The following ADARB2 variants were observed in gnomAD, a reference collection of about 807,000 sequenced individuals.
ADARB2 encodes the protein adenosine deaminase RNA specific B2 (inactive).
Under a neutral mutation model 62.2 loss-of-function variants are expected in ADARB2, and 25 were observed. The ratio of observed to expected loss-of-function variants is 0.40; its 90% CI spans 0.29 to 0.56. ADARB2 has a LOEUF of 0.56. ADARB2 is among the 20% of genes least tolerant of loss of function. The probability of loss-of-function intolerance (pLI) is 0.43; values close to 1 mark genes in which losing one functional copy is unlikely to be tolerated. For missense variants in ADARB2, 1,071 were observed against 1,077.4 expected, an observed-to-expected ratio of 0.99 and a Z score of 0.08; for synonymous variants, 572 against 500.8, an observed-to-expected ratio of 1.14 and a Z score of -1.90.
At chr10:1,523,251 C>G (rs552201757) in intron 1 of ADARB2, among the ~76,000 whole-genome samples, 5 of 152,260 alleles carry the variant, frequency 3.3e-5, no homozygotes, top group African/African-American at 1.2e-4. Flanking sequence ...AAATGGTTAT[C>G]TACTTAGATA....
At position 1,557,764 on chromosome 10, in the gene ADARB2, T is replaced by C. The variant is rs114883206; in HGVS notation, c.101-178604A>G. ...AATACAAAATACACACACAAAAAAT[T>C]AGCTGGGGGTAGTGGTGGGCATCTG... On this transcript the variant is annotated intron_variant, in intron 1 of 9. Transcript: ENST00000381312. 2.6e-3 allele frequency among the ~76,000 whole-genome samples: 392 copies of C among 151,928 alleles called. 4 individuals carry two copies. Among genetic ancestry groups the C allele is most frequent in the African/African-American group, 9.1e-3 (376 of 41,442 alleles).
chr10:1,599,417 G>A (rs962882009), intron 1 of ADARB2, among the ~76,000 whole-genome samples: 11 of 152,162 alleles, frequency 7.2e-5, no homozygotes, highest in Admixed American at 2.6e-4. Flanking sequence ...AGTGACGACC[G>A]GTAGCTGTGA....
intron 1 of ADARB2, among the ~76,000 whole-genome samples, chr10:1,702,639 G>T (rs1238078202): frequency 2.0e-5 from 3 of 152,186 alleles, no homozygotes; most frequent in African/African-American, 7.2e-5. Context: ...CAGTGACCCT[G>T]CTTTGCTTGA....
At chr10:1,510,102 TTCTTTCTC>T (rs879505010) in intron 1 of ADARB2, among the ~76,000 whole-genome samples, 4 of 132,572 alleles carry the variant, frequency 3.0e-5, no homozygotes, top group East Asian at 2.1e-4. Context: ...TCTCTTTTCT[TTCTTTCTC>T]TCTTTCTTTC....
chr10:1,215,252 T>A (rs1837218510), intron 7 of ADARB2, among the ~76,000 whole-genome samples: 1 of 152,216 alleles, frequency 6.6e-6, no homozygotes, highest in Non-Finnish European at 1.5e-5. Flanking sequence ...ATGCAGGCAC[T>A]GCCTGCCCCA....
rs1399585081 is a variant in ADARB2, at chr10:1,190,386, C to T, written c.1865-5347G>A. Among the ~76,000 whole-genome samples the T allele has an allele frequency of 5.7e-4, 87 of 152,228 alleles. 1 individual carries two copies. The highest frequency in any genetic ancestry group is 5.6e-3 in the Admixed American group (86 of 15,286). On this transcript the variant is annotated intron_variant, in intron 8 of 9. Coordinates refer to ENST00000381312, the MANE Select transcript of ADARB2 (RefSeq NM_018702.4). ...ACTTCTGTGATGCACCTCCTGCCTT[C>T]GGTGTATGGCAACACAGGAACGATA...
intron 3 of ADARB2, among the ~76,000 whole-genome samples, chr10:1,362,073 CAGAT>C (rs1436976222): frequency 1.3e-5 from 2 of 152,234 alleles, no homozygotes; most frequent in Non-Finnish European, 2.9e-5. Flanking sequence ...TAGTTTCTGA[CAGAT>C]AGGAGGCAGG....
At chr10:1,478,872 C>T (rs1222061318) in intron 1 of ADARB2, among the ~76,000 whole-genome samples, 1 of 152,096 alleles carries the variant, frequency 6.6e-6, no homozygotes, top group African/African-American at 2.4e-5. Flanking sequence ...AAATAAGGAC[C>T]CTCAGATGGG....
At chr10:1,220,243 A>ATGG (rs1264800653) in intron 6 of ADARB2, among the ~76,000 whole-genome samples, 2 of 108,138 alleles carry the variant, frequency 1.8e-5, no homozygotes. Flanking sequence ...GGTGGTGATA[A>ATGG]TGGTGGTGGT....
intron 1 of ADARB2, among the ~76,000 whole-genome samples, chr10:1,473,692 A>AT (rs1831357338): frequency 6.6e-6 from 1 of 152,162 alleles, no homozygotes; most frequent in Non-Finnish European, 1.5e-5. Flanking sequence ...TCGGATCTGC[A>AT]TTTTAAAGAG....
chr10:1,595,446 A>T (rs1469107478), intron 1 of ADARB2, among the ~76,000 whole-genome samples: 1 of 152,240 alleles, frequency 6.6e-6, no homozygotes, highest in Non-Finnish European at 1.5e-5. Flanking sequence ...AAGGATCAAC[A>T]CATCAATACA....
intron 1 of ADARB2, chr10:1,534,824 G>C (rs4880862): frequency 0.32 from 52,640 of 166,772 alleles, 9,373 homozygotes; most frequent in East Asian, 0.6. Context: ...GGAAAAGAGT[G>C]GGGTGAGAGA....
intron 1 of ADARB2, among the ~76,000 whole-genome samples, chr10:1,702,514 T>C (rs1834835085): frequency 6.6e-6 from 1 of 152,226 alleles, no homozygotes; most frequent in African/African-American, 2.4e-5. Flanking sequence ...TTTTCCTCCA[T>C]GTCCATCACT....
chr10:1,674,606 T>C (rs902129005), intron 1 of ADARB2, among the ~76,000 whole-genome samples: 5 of 152,190 alleles, frequency 3.3e-5, no homozygotes, highest in African/African-American at 1.2e-4. Context: ...TTTGGTTGTG[T>C]TGCGGTTGGG....
chr10:1,662,603 G>A (rs967457529), intron 1 of ADARB2, among the ~76,000 whole-genome samples: 3 of 152,212 alleles, frequency 2.0e-5, no homozygotes, highest in Admixed American at 6.5e-5. Context: ...AAACTAGAGC[G>A]AGTTTATTTC....
At chr10:1,736,008 C>T (rs187333420) in intron 1 of ADARB2, among the ~76,000 whole-genome samples, 4 of 152,300 alleles carry the variant, frequency 2.6e-5, no homozygotes, top group Admixed American at 2.6e-4. Context: ...AACGTTGCCT[C>T]CTGCTTTCAA....
At chr10:1,488,736 T>C (rs1434174223) in intron 1 of ADARB2, among the ~76,000 whole-genome samples, 2 of 152,250 alleles carry the variant, frequency 1.3e-5, no homozygotes, top group Admixed American at 1.3e-4. Flanking sequence ...CTGTGAATTC[T>C]GGGCCTGCGC....
chr10:1,213,322 C>T (rs1837186225), intron 7 of ADARB2, among the ~76,000 whole-genome samples: 2 of 151,910 alleles, frequency 1.3e-5, no homozygotes, highest in Non-Finnish European at 2.9e-5. Flanking sequence ...GAGACAGACG[C>T]AGAGACAGAG....
intron 1 of ADARB2, among the ~76,000 whole-genome samples, chr10:1,515,202 C>A (rs1317371147): frequency 6.6e-6 from 1 of 152,222 alleles, no homozygotes; most frequent in Non-Finnish European, 1.5e-5. Flanking sequence ...ATGTCAGCCT[C>A]AATGAGGCCA....
Sources: allele counts gnomAD v4.1 joint callset (sites outside exome capture counted in the v4.1 genomes callset), GRCh38; gene constraint gnomAD v4.1.1; transcripts MANE v1.5; gene names NCBI Gene and HGNC (gene_info 2026-07-23, HGNC 2026-07-21).